Variants in OR2L13 observed in about 807,000 individuals in gnomAD.
The protein encoded by OR2L13 is olfactory receptor family 2 subfamily L member 13.
A neutral mutation model predicts 15.3 loss-of-function variants in OR2L13; 14 were observed. The observed-to-expected ratio is 0.91, with a 90% confidence interval of 0.60 to 1.43. The LOEUF (loss-of-function observed/expected upper bound fraction) is 1.43, where lower values mean the gene tolerates loss of function less well. Ranked by LOEUF, OR2L13 falls within the 40% of genes most tolerant of loss-of-function variation. The pLI is 0.00. For synonymous variants in OR2L13, 152 were observed against 142.9 expected, an observed-to-expected ratio of 1.06 and a Z score of -0.45; for missense variants, 367 against 387.9, an observed-to-expected ratio of 0.95 and a Z score of 0.45.
the OR2L13 span, among the ~76,000 whole-genome samples, chr1:247,960,480 C>T: frequency 6.6e-6 from 1 of 152,186 alleles, no homozygotes; most frequent in Non-Finnish European, 1.5e-5. Context: ...CAGACAGGGA[C>T]CTTTAAGTCT....
At chr1:248,013,497 T>C in the OR2L13 span, among the ~76,000 whole-genome samples, 1 of 152,126 alleles carries the variant, frequency 6.6e-6, no homozygotes, top group Non-Finnish European at 1.5e-5. Flanking sequence ...CCCCAGTGAA[T>C]ACCAGCAAAA....
chr1:248,038,254 T>A, the OR2L13 span: 1 of 1,559,574 alleles, frequency 6.4e-7, no homozygotes, highest in Non-Finnish European at 8.8e-7. Context: ...CAGGATGGAT[T>A]GTAGGAATTC....
the OR2L13 span, among the ~76,000 whole-genome samples, chr1:247,940,179 T>G: frequency 6.6e-6 from 1 of 152,142 alleles, no homozygotes; most frequent in Non-Finnish European, 1.5e-5. Flanking sequence ...TCAAATCAAG[T>G]TTCTCATTCT....
At chr1:247,971,443 A>G in the OR2L13 span, among the ~76,000 whole-genome samples, 3 of 152,210 alleles carry the variant, frequency 2.0e-5, no homozygotes, top group Non-Finnish European at 4.4e-5. Flanking sequence ...CCAATTTGTT[A>G]TAGTTTAAAC....
the OR2L13 span, among the ~76,000 whole-genome samples, chr1:247,960,536 A>T: frequency 6.6e-6 from 1 of 152,104 alleles, no homozygotes; most frequent in East Asian, 1.9e-4. Flanking sequence ...CTGCCCCCAG[A>T]GGTGGAGTTT....
At chr1:248,072,567 G>A in the OR2L13 span, among the ~76,000 whole-genome samples, 4 of 152,128 alleles carry the variant, frequency 2.6e-5, no homozygotes, top group East Asian at 1.9e-4. Context: ...ATAGGCATGG[G>A]CAAGGACTTC....
chr1:247,972,336 G>A, the OR2L13 span, among the ~76,000 whole-genome samples: 3 of 146,742 alleles, frequency 2.0e-5, no homozygotes, highest in African/African-American at 7.5e-5. Flanking sequence ...CCAGGAGCTG[G>A]TTTTTTGAAA....
chr1:247,958,816 TA>T, the OR2L13 span, among the ~76,000 whole-genome samples: 4 of 152,020 alleles, frequency 2.6e-5, no homozygotes, highest in African/African-American at 9.7e-5. Flanking sequence ...TCCATCCTTT[TA>T]TTTTGAGCCT....
chr1:248,008,553 T>TA, the OR2L13 span, among the ~76,000 whole-genome samples: 2 of 152,170 alleles, frequency 1.3e-5, no homozygotes, highest in African/African-American at 4.8e-5. Context: ...CTTTTGTACT[T>TA]ACAAAGAGGC....
the OR2L13 span, among the ~76,000 whole-genome samples, chr1:247,943,013 T>C: frequency 6.6e-6 from 1 of 152,132 alleles, no homozygotes; most frequent in South Asian, 2.1e-4. Flanking sequence ...CTTAGCATAA[T>C]ATATTCGAGG....
At chr1:247,944,411 G>A in the OR2L13 span, among the ~76,000 whole-genome samples, 4 of 151,940 alleles carry the variant, frequency 2.6e-5, no homozygotes, top group Non-Finnish European at 5.9e-5. Flanking sequence ...CATCACCTAG[G>A]TGTTAGGCCC....
chr1:247,966,425 C>A, the OR2L13 span: 1 of 1,279,302 alleles, frequency 7.8e-7, no homozygotes, highest in Non-Finnish European at 1.1e-6. Context: ...GTCACAAAAA[C>A]AGTGTTTATC....
the OR2L13 span, among the ~76,000 whole-genome samples, chr1:247,981,391 C>T: frequency 2.0e-3 from 304 of 152,160 alleles, no homozygotes; most frequent in Non-Finnish European, 3.3e-3. Flanking sequence ...AAATAAAGGA[C>T]CCTCTTCTGA....
the OR2L13 span, among the ~76,000 whole-genome samples, chr1:247,963,158 G>C: frequency 1.3e-5 from 2 of 152,188 alleles, no homozygotes; most frequent in Non-Finnish European, 2.9e-5. Flanking sequence ...AGCAGCATGA[G>C]CTTACCACAT....
the OR2L13 span, chr1:247,949,389 T>A: frequency 3.7e-6 from 6 of 1,614,204 alleles, no homozygotes; most frequent in Non-Finnish European, 4.2e-6. Context: ...TCATTTCTTC[T>A]GTGATGTCCC....
At chr1:248,021,267 A>G in the OR2L13 span, among the ~76,000 whole-genome samples, 1 of 152,224 alleles carries the variant, frequency 6.6e-6, no homozygotes, top group Admixed American at 6.5e-5. Flanking sequence ...TCAAATATTA[A>G]TCTCTGGATA....
chr1:247,979,963 A>C, the OR2L13 span, among the ~76,000 whole-genome samples: 1 of 152,326 alleles, frequency 6.6e-6, no homozygotes, highest in South Asian at 2.1e-4. Context: ...CTTGTATAAA[A>C]ACATCAAATT....
the OR2L13 span, among the ~76,000 whole-genome samples, chr1:248,019,056 G>A: frequency 6.6e-6 from 1 of 152,022 alleles, no homozygotes; most frequent in Non-Finnish European, 1.5e-5. Context: ...ACGGACACTT[G>A]TTTCTGCCTT....
At chr1:248,047,446 A>C in the OR2L13 span, among the ~76,000 whole-genome samples, 154 of 152,292 alleles carry the variant, frequency 1.0e-3, no homozygotes, top group African/African-American at 3.5e-3. Context: ...AGAATGGTTA[A>C]AATCACCAGT....
Sources: gnomAD v4.1 joint callset for allele counts (sites outside exome capture counted in the v4.1 genomes callset) on GRCh38, gnomAD v4.1.1 for gene constraint, MANE v1.5 for transcripts, NCBI Gene and HGNC (gene_info 2026-07-23, HGNC 2026-07-21) for gene names.